The following MEGF6 variants were observed in gnomAD, a reference collection of about 807,000 sequenced individuals.
MEGF6 encodes multiple epidermal growth factor-like domains protein 6.
MEGF6 carries 184 observed loss-of-function variants against 207.1 expected under a neutral mutation model. The observed-to-expected ratio is 0.89, with a 90% confidence interval of 0.79 to 1.00. The LOEUF (loss-of-function observed/expected upper bound fraction) is 1.00, where lower values mean the gene tolerates loss of function less well. Ranked by LOEUF, MEGF6 falls within the 50% of genes least tolerant of loss-of-function variation. The pLI is 0.00. For missense variants in MEGF6, 2,282 were observed against 2,202.9 expected (o/e 1.04, Z -0.72); for synonymous variants, 1,038 against 910.0 (o/e 1.14, Z -2.53).
At chr1:3,548,992 G>A (rs1056642756) in intron 4 of MEGF6, among the ~76,000 whole-genome samples, 1 of 152,136 alleles carries the variant, frequency 6.6e-6, no homozygotes, top group African/African-American at 2.4e-5. Context: ...ATCGCCCCTT[G>A]TTCCCCCAAA....
intron 1 of MEGF6, among the ~76,000 whole-genome samples, chr1:3,607,096 G>C (rs1283225227): frequency 6.6e-6 from 1 of 151,928 alleles, no homozygotes; most frequent in Non-Finnish European, 1.5e-5. Context: ...GGGGTTAGGG[G>C]TACTGAGGGG....
Position 3,490,205 on chromosome 1 carries a change from C to T in MEGF6, c.*323G>A, listed in dbSNP as rs567111264. On this transcript the variant is annotated 3_prime_UTR_variant, in exon 37 of 37. Transcript: ENST00000356575. ...GCACCTGCGCCTGCACCCACACTGG[C>T]GCCCACACCTGTCCTCAGTCCAACT... is the stretch of plus-strand genomic sequence containing the variant. The T allele has an allele frequency of 1.5e-5, 6 of 407,700 alleles. No individual in the cohort carries two copies. Among genetic ancestry groups the T allele is most frequent in the African/African-American group, 8.5e-5 (4 of 47,226 alleles). The allele number at this position is 407,700 out of a possible 1,614,324, so 25.3% of individuals were successfully genotyped here. A position where few individuals can be genotyped will look rare whatever the true frequency, so the allele number is the denominator to read the frequency against.
In MEGF6 at chr1:3,611,202, G is replaced by A. The variant is rs1350286081; in HGVS notation, c.67C>T (p.Leu23Phe). The A allele has an allele frequency of 6.4e-7, 1 of 1,554,590 alleles. No individual in the cohort carries two copies. The highest frequency in any genetic ancestry group is 1.4e-5 in the African/African-American group (1 of 70,878). Reference protein sequence around the residue: ...AVVLALVLLLLPAVPVGASVP... With the variant: ...AVVLALVLLLFPAVPVGASVP... ...CTGGCGCCCACGGGCACGGCGGGGA[G>A]CAGCAGCAGCACCAACGCCAGGACC... Residue 23 changes from leucine to phenylalanine, a missense_variant, in exon 1 of 37, where the codon CTC becomes TTC. Coordinates refer to ENST00000356575, the MANE Select transcript of MEGF6 (RefSeq NM_001409.4).
chr1:3,544,602 C>T (rs1642644114), intron 4 of MEGF6, among the ~76,000 whole-genome samples: 1 of 151,726 alleles, frequency 6.6e-6, no homozygotes, highest in Non-Finnish European at 1.5e-5. Context: ...GAGTGCTCCA[C>T]ACACCGCAGC....
chr1:3,576,564 G>A (rs1366354591), intron 4 of MEGF6, among the ~76,000 whole-genome samples: 1 of 152,104 alleles, frequency 6.6e-6, no homozygotes, highest in Non-Finnish European at 1.5e-5. Flanking sequence ...GTGGAGGAGG[G>A]ACAGGAAGGT....
chr1:3,494,119 G>C lies in MEGF6; in HGVS notation c.4135C>G (p.Pro1379Ala), dbSNP rs767124306. The change falls in exon 33 of 37, where the codon CCC (proline) becomes GCC (alanine). Residue 1379 changes from proline to alanine, a missense_variant. Physicochemically the swap from Pro to Ala is conservative, Grantham distance 27. Transcript: ENST00000356575. The stretch of plus-strand genomic sequence containing the variant: ...CAGCCAGCCCCGTGGAAGCCAGGGG[G>C]ACAGGCTGAAGGACGCCGGTTACCA... ...FYGQACEHPCPPGFHGAGCQG... is the reference protein window; with the variant it reads ...FYGQACEHPCAPGFHGAGCQG... The C allele has an allele frequency of 2.1e-5, 33 of 1,567,528 alleles. No individual in the cohort carries two copies. Among genetic ancestry groups the C allele is most frequent in the Non-Finnish European group, 2.9e-5 (33 of 1,155,976 alleles).
chr1:3,542,000 C>T (rs1166536443), intron 4 of MEGF6, among the ~76,000 whole-genome samples: 1 of 152,236 alleles, frequency 6.6e-6, no homozygotes, highest in Non-Finnish European at 1.5e-5. Flanking sequence ...CAGCTGAGAG[C>T]CGGGTCCGGC....
At chr1:3,494,266 C>A in intron 32 of MEGF6, 105 bp downstream of exon 32, 1 of 1,463,896 alleles carries the variant, frequency 6.8e-7, no homozygotes, top group Non-Finnish European at 9.0e-7. Context: ...CTGCTGCTGG[C>A]TCCCCACCTC....
chr1:3,549,693 C>T (rs1308114573), intron 4 of MEGF6, among the ~76,000 whole-genome samples: 2 of 152,192 alleles, frequency 1.3e-5, no homozygotes, highest in Admixed American at 6.5e-5. Flanking sequence ...CACAAGGGCT[C>T]CAGCTCGGGC....
At chr1:3,495,160 G>C (rs1409219457) in intron 30 of MEGF6, among the ~76,000 whole-genome samples, 1 of 152,218 alleles carries the variant, frequency 6.6e-6, no homozygotes, top group Non-Finnish European at 1.5e-5. Context: ...CTGTAGCCCT[G>C]CTGTTACAGC....
chr1:3,611,090 C>T lies in MEGF6; in HGVS notation c.131+48G>A, dbSNP rs1263008278. ...GTCCACCACGGGCCTCCAGAGGCCC[C>T]GGGGTCCCTGGACGACCGGCCGAGC... On this transcript the variant is annotated intron_variant, in intron 1 of 36. Transcript: ENST00000356575. 4.9e-6 allele frequency: 7 copies of T among 1,430,218 alleles called. No homozygotes were observed. The South Asian group carries it at 1.0e-4, about 20-fold the overall frequency. 88.6% of individuals were successfully genotyped at this position (1,430,218 alleles called of 1,614,324 possible). A position where few individuals can be genotyped will look rare whatever the true frequency, so the allele number is the denominator to read the frequency against.
At position 3,508,443 on chromosome 1, in the gene MEGF6, C is replaced by T. The variant is rs780426489; in HGVS notation, c.1660+115G>A. The T allele has an allele frequency of 9.6e-6, 12 of 1,256,274 alleles. No individual in the cohort carries two copies. In the East Asian group the frequency reaches 2.8e-4, roughly 30 times the overall value. The allele number at this position is 1,256,274 out of a possible 1,614,324, so 77.8% of individuals were successfully genotyped here. A position where few individuals can be genotyped will look rare whatever the true frequency, so the allele number is the denominator to read the frequency against. On this transcript the variant is annotated intron_variant, in intron 13 of 36. Coordinates refer to ENST00000356575, the MANE Select transcript of MEGF6 (RefSeq NM_001409.4). The stretch of plus-strand genomic sequence containing the variant: ...ATGAATGAATGGCTCTGCACAGAGC[C>T]CCCTGCCCAGGGCCAGCAGGCAGGA...
At chr1:3,522,864 AG>A (rs937605762) in intron 5 of MEGF6, among the ~76,000 whole-genome samples, 1 of 152,130 alleles carries the variant, frequency 6.6e-6, no homozygotes, top group South Asian at 2.1e-4. Context: ...TGCCTCTTCC[AG>A]GGGGCCTGAG....
At chr1:3,502,313 C>A (rs1036828206) in intron 17 of MEGF6, among the ~76,000 whole-genome samples, 14 of 152,072 alleles carry the variant, frequency 9.2e-5, no homozygotes, top group African/African-American at 3.1e-4. Context: ...CTCCCGGGAG[C>A]CCGAGGTAGG....
In MEGF6 at chr1:3,556,190, C is replaced by T. The variant is rs959309578; in HGVS notation, c.481+23635G>A. 6.6e-6 allele frequency among the ~76,000 whole-genome samples: 1 copy of T among 152,248 alleles called. No individual in the cohort carries two copies. Among genetic ancestry groups the T allele is most frequent in the African/African-American group, 2.4e-5 (1 of 41,470 alleles). Reference sequence around the variant, plus strand: ...TGCTGGGCCACCCTGTGAGTCCATGCTCTGCTCCCCAAGCCCCGTCAGGAT... The same window carrying T: ...TGCTGGGCCACCCTGTGAGTCCATGTTCTGCTCCCCAAGCCCCGTCAGGAT... On this transcript the variant is annotated intron_variant, in intron 4 of 36. Coordinates refer to ENST00000356575, the MANE Select transcript of MEGF6 (RefSeq NM_001409.4). The surrounding 1 kb of genome is among the most constrained non-coding windows in gnomAD (Gnocchi z 4.4).
chr1:3,563,101 CT>C (rs1401276125), intron 4 of MEGF6, among the ~76,000 whole-genome samples: 1 of 152,186 alleles, frequency 6.6e-6, no homozygotes, highest in African/African-American at 2.4e-5. Flanking sequence ...GCTGCCTGCT[CT>C]GTTGAGCAGC....
intron 3 of MEGF6, among the ~76,000 whole-genome samples, chr1:3,580,262 TG>T (rs1643761045): frequency 5.6e-4 from 3 of 5,338 alleles, no homozygotes; most frequent in Non-Finnish European, 1.1e-3. Flanking sequence ...GGAGGGAAGG[TG>T]GGGGTGCAGG....
intron 1 of MEGF6, among the ~76,000 whole-genome samples, chr1:3,605,339 G>A (rs1047604564): frequency 6.9e-6 from 1 of 144,760 alleles, no homozygotes; most frequent in African/African-American, 2.5e-5. Context: ...CACTCAACAT[G>A]CTCATACACT....
At position 3,556,800 on chromosome 1, in the gene MEGF6, C is replaced by T. The variant is rs75261080; in HGVS notation, c.481+23025G>A. ...ACTTCACGTCCCTGTCCCAACCACA[C>T]GCGCTCACAGACCGGAGAATGTTAA... On this transcript the variant is annotated intron_variant, in intron 4 of 36. Transcript: ENST00000356575. The surrounding 1 kb of genome is among the most constrained non-coding windows in gnomAD (Gnocchi z 4.4). Among the ~76,000 whole-genome samples the T allele has an allele frequency of 3.4e-3, 523 of 152,280 alleles. 22 individuals carry two copies. The South Asian group carries it at 0.068, about 20-fold the overall frequency.
Sources: allele counts gnomAD v4.1 joint callset (sites outside exome capture counted in the v4.1 genomes callset), GRCh38; gene constraint gnomAD v4.1.1; non-coding constraint Gnocchi (gnomAD v3.1); transcripts MANE v1.5; gene names NCBI Gene and HGNC (gene_info 2026-07-23, HGNC 2026-07-21).